The following PIK3AP1 variants were observed in gnomAD, a reference collection of about 807,000 sequenced individuals.
PIK3AP1 encodes phosphoinositide 3-kinase adapter protein 1.
A neutral mutation model predicts 88.1 loss-of-function variants in PIK3AP1; 21 were observed. That is an observed-to-expected ratio of 0.24 (90% CI 0.17 to 0.34). The LOEUF (loss-of-function observed/expected upper bound fraction) is 0.34, where lower values mean the gene tolerates loss of function less well. PIK3AP1 is among the 10% of genes least tolerant of loss of function. The pLI is 1.00. For missense variants in PIK3AP1, 828 were observed against 1,035.7 expected (o/e 0.80, Z 2.75); for synonymous variants, 398 against 400.0 (o/e 1.00, Z 0.06).
chr10:96,602,950 C>T (rs1848927592), intron 15 of PIK3AP1, among the ~76,000 whole-genome samples: 2 of 152,176 alleles, frequency 1.3e-5, no homozygotes, highest in South Asian at 2.1e-4. Flanking sequence ...GAAGCAGAGA[C>T]CAAAGAGCTT....
intron 8 of PIK3AP1, among the ~76,000 whole-genome samples, chr10:96,631,814 C>T (rs950690395): frequency 2.0e-5 from 3 of 152,026 alleles, no homozygotes; most frequent in Admixed American, 6.6e-5. Flanking sequence ...ACCCAGGAGG[C>T]GGAGGCTGCA....
intron 8 of PIK3AP1, among the ~76,000 whole-genome samples, chr10:96,641,127 G>GCACA (rs58402647): frequency 6.8e-6 from 1 of 147,554 alleles, no homozygotes; most frequent in Non-Finnish European, 1.5e-5. Flanking sequence ...GTGTGTGTGC[G>GCACA]TGTGCATGTA....
chr10:96,602,465 G>A lies in PIK3AP1; in HGVS notation c.2242-67C>T, dbSNP rs79938966. The A allele has an allele frequency of 5.0e-3, 6,933 of 1,389,230 alleles. 244 individuals are homozygous for A. In the African/African-American group the frequency reaches 0.08, roughly 16 times the overall value. 86.1% of individuals were successfully genotyped at this position (1,389,230 alleles called of 1,614,324 possible). ...CAGCAACCAGCATAGCTGGACAACC[G>A]TAACTCAAAAGCCCCTTGGTCCTCC... On this transcript the variant is annotated intron_variant, in intron 15 of 16. Transcript: ENST00000339364.
Position 96,604,003 on chromosome 10 carries a change from G to A in PIK3AP1, c.2217C>T (p.Ser739=). The A allele has an allele frequency of 6.2e-7, 1 of 1,608,108 alleles. No homozygotes were observed. Among genetic ancestry groups the A allele is most frequent in the Non-Finnish European group, 8.5e-7 (1 of 1,177,022 alleles). The change falls in exon 15 of 17, where the codon AGC becomes AGT. Residue 739 remains serine (S), a synonymous_variant. Transcript: ENST00000339364. The part of the protein sequence containing the change: ...RSSTRSLLSV[S]SGMEGDNEDN... ...CCTCGTTGTCCCCTTCCATCCCGCTGCTCACACTGAGGAGGCTCCGGGTGC... is the reference window on the plus strand; with the variant it reads ...CCTCGTTGTCCCCTTCCATCCCGCTACTCACACTGAGGAGGCTCCGGGTGC...
chr10:96,656,725 T>C, intron 3 of PIK3AP1, 73 bp downstream of exon 3: 1 of 1,582,236 alleles, frequency 6.3e-7, no homozygotes, highest in Admixed American at 1.7e-5. Context: ...CCACTCTCTT[T>C]ACTGCAACAA....
chr10:96,665,191 G>C (rs1291748521), intron 2 of PIK3AP1, among the ~76,000 whole-genome samples: 1 of 152,214 alleles, frequency 6.6e-6, no homozygotes, highest in East Asian at 1.9e-4. Flanking sequence ...GAAGTCTAGA[G>C]AAACTCTGGA....
At chr10:96,716,145 G>T (rs898739695) in intron 1 of PIK3AP1, among the ~76,000 whole-genome samples, 2 of 150,224 alleles carry the variant, frequency 1.3e-5, no homozygotes, top group African/African-American at 4.9e-5. Flanking sequence ...AGCCAGGCGT[G>T]GTGGCATGCG....
In PIK3AP1 at chr10:96,665,588, G is replaced by A. The variant is rs148098951; in HGVS notation, c.431-8654C>T. On this transcript the variant is annotated intron_variant, in intron 2 of 16. Coordinates refer to ENST00000339364, the MANE Select transcript of PIK3AP1 (RefSeq NM_152309.3). ...CTTAGATACGTTCTTTATGAGAATC[G>A]GTGTCTGGGCTCTTCATTTAGATCA... 6.6e-5 allele frequency among the ~76,000 whole-genome samples: 10 copies of A among 152,246 alleles called. No homozygotes were observed. The South Asian group carries it at 8.3e-4, about 13-fold the overall frequency.
In PIK3AP1 at chr10:96,720,303, CG is replaced by C; in HGVS notation, c.13+78del. 2.5e-6 allele frequency: 3 copies of C among 1,219,250 alleles called. No individual in the cohort carries two copies. Among genetic ancestry groups the C allele is most frequent in the East Asian group, 3.2e-5 (1 of 31,550 alleles). 75.5% of individuals were successfully genotyped at this position (1,219,250 alleles called of 1,614,324 possible). Reference sequence around the variant, plus strand: ...CACAGAGGACGCAAACAGAAGCAAGCGGGGGAGCGCGCCTCAAGGGATGCGG... The same window carrying C: ...CACAGAGGACGCAAACAGAAGCAAGCGGGGAGCGCGCCTCAAGGGATGCGG... On this transcript the variant is annotated intron_variant, in intron 1 of 16. Transcript: ENST00000339364. This position sits in a 1 kb window ranked among gnomAD's most constrained non-coding sequence, Gnocchi z 4.6.
rs989283064 is a variant in PIK3AP1, at chr10:96,656,780, G to A, written c.567+18C>T. ...CCAAGTGCTGACATCCAGCTACCAGGCCCCCAGCAGTGCCTACCCCACAGC... is the reference window on the plus strand; with the variant it reads ...CCAAGTGCTGACATCCAGCTACCAGACCCCCAGCAGTGCCTACCCCACAGC... On this transcript the variant is annotated intron_variant, in intron 3 of 16. Transcript: ENST00000339364. 6.2e-7 allele frequency: 1 copy of A among 1,612,306 alleles called. No individual in the cohort carries two copies. Among genetic ancestry groups the A allele is most frequent in the Admixed American group, 1.7e-5 (1 of 59,924 alleles).
At position 96,628,491 on chromosome 10, in the gene PIK3AP1, C is replaced by A; in HGVS notation, c.1378G>T (p.Val460Phe). 1.9e-6 allele frequency: 3 copies of A among 1,607,740 alleles called. No individual in the cohort carries two copies. Among genetic ancestry groups the A allele is most frequent in the Non-Finnish European group, 2.6e-6 (3 of 1,174,284 alleles). Reference sequence around the variant, plus strand: ...GATGTACTGGCCTGAAGCATTTCAACATCTAGAAGGAAAAGGAGACTAAGA... The same window carrying A: ...GATGTACTGGCCTGAAGCATTTCAAAATCTAGAAGGAAAAGGAGACTAAGA... ...FVPAATEDLY[V>F]EMLQASTSNP... Residue 460 changes from valine to phenylalanine, a missense_variant and splice_region_variant, in exon 9 of 17, where the codon GTT (valine) becomes TTT (phenylalanine). By Grantham distance (50) the Val-to-Phe change is conservative. This residue lies in a region of PIK3AP1 where 610 missense variants were observed against 760.1 expected (regional missense o/e 0.80). Transcript: ENST00000339364.
intron 8 of PIK3AP1, among the ~76,000 whole-genome samples, chr10:96,631,440 AGGG>A (rs1247985378): frequency 6.6e-6 from 1 of 152,210 alleles, no homozygotes; most frequent in Non-Finnish European, 1.5e-5. Flanking sequence ...AAGAGAATTT[AGGG>A]AAATAAAATG....
intron 8 of PIK3AP1, among the ~76,000 whole-genome samples, chr10:96,643,868 A>C (rs942980633): frequency 6.6e-6 from 1 of 152,152 alleles, no homozygotes; most frequent in African/African-American, 2.4e-5. Flanking sequence ...CCATTCCAGA[A>C]ATTCCCCCAT....
Position 96,609,684 on chromosome 10 carries a change from C to A in PIK3AP1, c.2170+28G>T, listed in dbSNP as rs764138790. ...GCCAGCTGGAGCCCAGTCAAGAAGA[C>A]CCCACCCCCGCACCCCCAGCTGCTC... On this transcript the variant is annotated intron_variant, in intron 14 of 16. Coordinates refer to ENST00000339364, the MANE Select transcript of PIK3AP1 (RefSeq NM_152309.3). 6 of 1,607,584 alleles carry A rather than the reference C, an allele frequency of 3.7e-6. No individual in the cohort carries two copies. The East Asian group carries it at 1.3e-4, about 36-fold the overall frequency.
At chr10:96,648,290 TC>T (rs1843488556) in intron 7 of PIK3AP1, among the ~76,000 whole-genome samples, 5 of 152,154 alleles carry the variant, frequency 3.3e-5, no homozygotes, top group Admixed American at 3.3e-4. Context: ...TTCAGCAGAT[TC>T]ACTCTATAAA....
At chr10:96,604,773 G>A (rs1848972557) in intron 14 of PIK3AP1, among the ~76,000 whole-genome samples, 1 of 152,188 alleles carries the variant, frequency 6.6e-6, no homozygotes, top group Non-Finnish European at 1.5e-5. Flanking sequence ...CTAGCAAACA[G>A]GTATGTATCA....
At chr10:96,671,363 C>T (rs111857496) in intron 2 of PIK3AP1, among the ~76,000 whole-genome samples, 6,620 of 152,256 alleles carry the variant, frequency 0.043, 157 homozygotes, top group Middle Eastern at 0.085. Context: ...TTAGTCATCA[C>T]CATGGGTCTT....
intron 2 of PIK3AP1, among the ~76,000 whole-genome samples, chr10:96,695,801 T>C (rs753461878): frequency 1.3e-5 from 2 of 151,878 alleles, no homozygotes; most frequent in South Asian, 2.1e-4. Context: ...GACCTATACA[T>C]ATCCCAAGGA....
rs1848714764 is a variant in PIK3AP1 at position 96,593,944 on chromosome 10, CTA to C, written c.*1631_*1632del. On this transcript the variant is annotated 3_prime_UTR_variant, in exon 17 of 17. Transcript: ENST00000339364. ...ATCATTAGAAAAGGACCCAATAAAA[CTA>C]TACTTAAATGGATCATTAATGTGGA... The C allele has an allele frequency of 6.6e-6, 1 of 152,196 alleles. No homozygotes were observed. Among genetic ancestry groups the C allele is most frequent in the Non-Finnish European group, 1.5e-5 (1 of 68,030 alleles). 9.4% of individuals were successfully genotyped at this position (152,196 alleles called of 1,614,324 possible). A position where few individuals can be genotyped will look rare whatever the true frequency, so the allele number is the denominator to read the frequency against.
Sources: gnomAD v4.1 joint callset for allele counts (sites outside exome capture counted in the v4.1 genomes callset) on GRCh38, gnomAD v4.1.1 for gene constraint, gnomAD v4.1.1 regional missense constraint, Gnocchi (gnomAD v3.1) non-coding constraint, MANE v1.5 for transcripts, NCBI Gene and HGNC (gene_info 2026-07-23, HGNC 2026-07-21) for gene names.